RGMA: variants seen among roughly 807,000 people sequenced by gnomAD.
RGMA encodes repulsive guidance molecule A.
A neutral mutation model predicts 23.2 loss-of-function variants in RGMA; 10 were observed. The observed-to-expected ratio is 0.43, with a 90% CI of 0.27 to 0.73. The LOEUF (loss-of-function observed/expected upper bound fraction) is 0.73. RGMA is among the 30% of genes least tolerant of loss of function. RGMA has a pLI of 0.20. For synonymous variants in RGMA, 308 were observed against 279.3 expected, an observed-to-expected ratio of 1.10 and a Z score of -1.03; for missense variants, 547 against 630.5, an observed-to-expected ratio of 0.87 and a Z score of 1.42.
rs1306335519 is a variant in RGMA, at chr15:93,073,726, T to C, written c.15-695A>G. 5.2e-6 allele frequency: 8 copies of C among 1,530,934 alleles called. No homozygotes were observed. The East Asian group carries it at 1.2e-4, about 24-fold the overall frequency. 94.8% of individuals were successfully genotyped at this position (1,530,934 alleles called of 1,614,324 possible). A position where few individuals can be genotyped will look rare whatever the true frequency, so the allele number is the denominator to read the frequency against. ...TCTCAGCTACTAACGCACCTCGAGG[T>C]TCCCGCCCGTCGTGGCCCCAGGCCA... On this transcript the variant is annotated intron_variant, in intron 1 of 3. Transcript: ENST00000329082.
intron 1 of RGMA, among the ~76,000 whole-genome samples, chr15:93,082,895 T>C (rs1022678340): frequency 6.6e-6 from 1 of 152,246 alleles, no homozygotes; most frequent in Non-Finnish European, 1.5e-5. Flanking sequence ...GGTAAACCTA[T>C]CCACAGTATC....
chr15:93,038,380 G>A lies in RGMA; in HGVS notation c.*6618C>T, dbSNP rs1321106992. 1 of 152,156 alleles carries A rather than the reference G, an allele frequency of 6.6e-6. No homozygotes were observed. The highest frequency in any genetic ancestry group is 1.5e-5 in the Non-Finnish European group (1 of 68,042). 9.4% of individuals were successfully genotyped at this position (152,156 alleles called of 1,614,324 possible). A position where few individuals can be genotyped will look rare whatever the true frequency, so the allele number is the denominator to read the frequency against. ...ACCTGAGATTTGCACACAGGAAAGT[G>A]CAGTCCCTGCCCTTGTGTGTCTTGT... On this transcript the variant is annotated 3_prime_UTR_variant, in exon 4 of 4. Coordinates refer to ENST00000329082, the MANE Select transcript of RGMA (RefSeq NM_020211.3).
intron 2 of RGMA, among the ~76,000 whole-genome samples, chr15:93,054,403 A>C (rs558946569): frequency 1.1e-4 from 17 of 152,102 alleles, no homozygotes; most frequent in Non-Finnish European, 1.0e-4. Flanking sequence ...AACTGTAATA[A>C]TCTCCACGTG....
chr15:93,087,484 A>AAAAC (rs1555451779), intron 1 of RGMA, among the ~76,000 whole-genome samples: 5 of 148,822 alleles, frequency 3.4e-5, no homozygotes, highest in South Asian at 2.1e-4. Flanking sequence ...AAAAAAAAAA[A>AAAAC]CCACAAAACC....
At chr15:93,064,612 A>C (rs1302462117) in intron 2 of RGMA, among the ~76,000 whole-genome samples, 2 of 152,256 alleles carry the variant, frequency 1.3e-5, no homozygotes, top group African/African-American at 2.4e-5. Flanking sequence ...TTCTTAGCAC[A>C]GGGAGCAACT....
intron 2 of RGMA, among the ~76,000 whole-genome samples, chr15:93,061,120 G>A (rs1409440497): frequency 6.6e-6 from 1 of 152,302 alleles, no homozygotes; most frequent in South Asian, 2.1e-4. Flanking sequence ...CCCCATCTTC[G>A]TCCTGGCGTC....
rs890958001 is a variant in RGMA at position 93,048,365 on chromosome 15, C to T, written c.646-2660G>A. Among the ~76,000 whole-genome samples the T allele has an allele frequency of 1.9e-4, 29 of 152,128 alleles. 1 individual carries two copies. The highest frequency in any genetic ancestry group is 1.8e-3 in the Admixed American group (27 of 15,282). ...GAACGAGGGGCAGGCTGCTGGAGGA[C>T]TTTACAAGAAATGGCGGTCTTCTCA... On this transcript the variant is annotated intron_variant, in intron 3 of 3. Coordinates refer to ENST00000329082, the MANE Select transcript of RGMA (RefSeq NM_020211.3).
Position 93,043,736 on chromosome 15 carries a change from A to C in RGMA, c.*1262T>G, listed in dbSNP as rs964635417. ...CGTTCTGCAGCCTCCTGGCCAGTGTATGAGAGGTCCCTGGGGAACAGCAGA... is the reference window on the plus strand; with the variant it reads ...CGTTCTGCAGCCTCCTGGCCAGTGTCTGAGAGGTCCCTGGGGAACAGCAGA... On this transcript the variant is annotated 3_prime_UTR_variant, in exon 4 of 4. Coordinates refer to ENST00000329082, the MANE Select transcript of RGMA (RefSeq NM_020211.3). 4 of 145,022 alleles carry C rather than the reference A, an allele frequency of 2.8e-5. No individual in the cohort carries two copies. Among genetic ancestry groups the C allele is most frequent in the African/African-American group, 1.0e-4 (4 of 39,446 alleles). 9.0% of individuals were successfully genotyped at this position (145,022 alleles called of 1,614,324 possible).
At chr15:93,066,213 A>C (rs1229096481) in intron 2 of RGMA, 2 of 1,415,710 alleles carry the variant, frequency 1.4e-6, no homozygotes, top group Middle Eastern at 1.8e-4. Context: ...CAGTCTCCTC[A>C]TCTCCAACGC....
Position 93,079,817 on chromosome 15 carries a change from C to CA in RGMA, c.15-6787dup, listed in dbSNP as rs937523183. Among the ~76,000 whole-genome samples, 86 of 147,232 alleles carry CA rather than the reference C, an allele frequency of 5.8e-4. 3 individuals carry two copies. The highest frequency in any genetic ancestry group is 1.6e-3 in the African/African-American group (63 of 40,150). ...CATGGGCAACGGAGAGACTCTGTCT[C>CA]AAAAAAAAAAGGACGCTTCTCAGGT... On this transcript the variant is annotated intron_variant, in intron 1 of 3. Coordinates refer to ENST00000329082, the MANE Select transcript of RGMA (RefSeq NM_020211.3).
intron 1 of RGMA, among the ~76,000 whole-genome samples, chr15:93,077,770 C>T (rs898076370): frequency 2.0e-5 from 3 of 152,196 alleles, no homozygotes; most frequent in Admixed American, 1.3e-4. Flanking sequence ...CGCAATGGTG[C>T]GACCTCGGCT....
chr15:93,088,420 G>A (rs1895677475), intron 1 of RGMA: 1 of 985,716 alleles, frequency 1.0e-6, no homozygotes, highest in Non-Finnish European at 1.2e-6. Context: ...CCGGCGCGCC[G>A]AGGCAAAGGG....
chr15:93,071,941 G>A (rs1895339721), intron 2 of RGMA, among the ~76,000 whole-genome samples: 1 of 152,350 alleles, frequency 6.6e-6, no homozygotes, highest in African/African-American at 2.4e-5. Flanking sequence ...GGGGCCATTT[G>A]GCCCGTGACA....
chr15:93,065,511 T>C, intron 2 of RGMA: 1 of 584,756 alleles, frequency 1.7e-6, no homozygotes, highest in Non-Finnish European at 3.2e-6. Flanking sequence ...AACAGGGTAC[T>C]GGGTAGGGTA....
chr15:93,067,165 G>A (rs1449856906), intron 2 of RGMA, among the ~76,000 whole-genome samples: 1 of 152,184 alleles, frequency 6.6e-6, no homozygotes, highest in East Asian at 1.9e-4. Context: ...TGGGAGGTTG[G>A]ATTTTGGGTT....
intron 2 of RGMA, chr15:93,065,914 G>A: frequency 1.4e-6 from 1 of 721,164 alleles, no homozygotes; most frequent in Non-Finnish European, 2.5e-6. Context: ...CTGGCTGGGG[G>A]GCCGAGGGAC....
At chr15:93,050,080 C>T (rs2054893051) in intron 3 of RGMA, among the ~76,000 whole-genome samples, 2 of 152,330 alleles carry the variant, frequency 1.3e-5, no homozygotes, top group South Asian at 4.1e-4. Context: ...GGATGGGCTC[C>T]CCAGTTCTCT....
chr15:93,048,846 G>T (rs1224744525), intron 3 of RGMA, among the ~76,000 whole-genome samples: 2 of 150,674 alleles, frequency 1.3e-5, no homozygotes, highest in Admixed American at 6.6e-5. Context: ...GCCATGGGGG[G>T]AGGATGGGGG....
chr15:93,048,861 T>C (rs2054871697), intron 3 of RGMA, among the ~76,000 whole-genome samples: 1 of 106,440 alleles, frequency 9.4e-6, no homozygotes. Flanking sequence ...TGGGGGACTC[T>C]GGTGTCCCTG....
Sources: allele counts gnomAD v4.1 joint callset (sites outside exome capture counted in the v4.1 genomes callset), GRCh38; gene constraint gnomAD v4.1.1; transcripts MANE v1.5; gene names NCBI Gene and HGNC (gene_info 2026-07-23, HGNC 2026-07-21).